Variants in NOVA1 observed in about 807,000 individuals in gnomAD.
The protein encoded by NOVA1 is NOVA alternative splicing regulator 1.
In NOVA1, 7 loss-of-function variants were observed where a neutral mutation model predicts 38.0. That is an observed-to-expected ratio of 0.18 (90% CI 0.10 to 0.35). NOVA1 has a LOEUF of 0.35. Ranked by LOEUF, NOVA1 falls within the 10% of genes least tolerant of loss-of-function variation. The pLI is 1.00. For synonymous variants in NOVA1, 270 were observed against 232.5 expected (o/e 1.16, Z -1.47); for missense variants, 460 against 616.0 (o/e 0.75, Z 2.68).
chr14:26,467,646 G>A (rs1005450936), intron 4 of NOVA1, among the ~76,000 whole-genome samples: 2 of 152,128 alleles, frequency 1.3e-5, no homozygotes, highest in Non-Finnish European at 2.9e-5. Context: ...AGGTAGAATT[G>A]CTGCAGGAAT....
At chr14:26,472,280 C>G (rs1355038415) in intron 4 of NOVA1, 40 bp downstream of exon 4, 2 of 1,243,918 alleles carry the variant, frequency 1.6e-6, no homozygotes, top group Non-Finnish European at 2.4e-6. Flanking sequence ...AGGCAATCAC[C>G]CGTGAAAAGT....
At chr14:26,549,872 A>G in intron 2 of NOVA1, 11 of 450,710 alleles carry the variant, frequency 2.4e-5, no homozygotes, top group Non-Finnish European at 4.2e-5. Context: ...CTGTACATAC[A>G]TACAGGGATG....
intron 1 of NOVA1, 123 bp from the exon 2 acceptor site, chr14:26,595,676 G>A: frequency 1.4e-6 from 1 of 739,584 alleles, no homozygotes; most frequent in Non-Finnish European, 2.1e-6. Flanking sequence ...GAAATATGAA[G>A]TTAAACATTT....
intron 2 of NOVA1, among the ~76,000 whole-genome samples, chr14:26,520,286 G>C (rs1050314279): frequency 6.6e-6 from 1 of 152,142 alleles, no homozygotes; most frequent in African/African-American, 2.4e-5. Context: ...CATATATGGA[G>C]GGCCAGCTAT....
chr14:26,543,582 A>C (rs1049090002), intron 2 of NOVA1, among the ~76,000 whole-genome samples: 8 of 152,038 alleles, frequency 5.3e-5, no homozygotes, highest in African/African-American at 7.2e-5. Flanking sequence ...TGGACATTGA[A>C]GACTGGGTAG....
intron 2 of NOVA1, among the ~76,000 whole-genome samples, chr14:26,534,509 A>G (rs952883342): frequency 6.6e-6 from 1 of 152,198 alleles, no homozygotes; most frequent in Non-Finnish European, 1.5e-5. Context: ...AAATAAAAAA[A>G]CATATAATCA....
intron 2 of NOVA1, among the ~76,000 whole-genome samples, chr14:26,537,894 G>T (rs1890216213): frequency 6.6e-6 from 1 of 152,136 alleles, no homozygotes; most frequent in African/African-American, 2.4e-5. Context: ...CTCCTCTATG[G>T]ATATGACATT....
At chr14:26,535,649 G>A (rs1890012659) in intron 2 of NOVA1, among the ~76,000 whole-genome samples, 5 of 152,064 alleles carry the variant, frequency 3.3e-5, no homozygotes, top group African/African-American at 1.2e-4. Context: ...AGAAACAGAT[G>A]ACTGGATAAA....
chr14:26,525,985 ACCTGGT>A (rs1889269292), intron 2 of NOVA1, among the ~76,000 whole-genome samples: 1 of 151,934 alleles, frequency 6.6e-6, no homozygotes, highest in Non-Finnish European at 1.5e-5. Context: ...AATTCTTTCC[ACCTGGT>A]AGTTTTAGCT....
At position 26,448,442 on chromosome 14, in the gene NOVA1, T is replaced by C. The variant is rs1444317256; in HGVS notation, c.1041A>G (p.Ala347=). 1 of 1,612,190 alleles carries C rather than the reference T, an allele frequency of 6.2e-7. No individual in the cohort carries two copies. Among genetic ancestry groups the C allele is most frequent in the South Asian group, 1.1e-5 (1 of 91,012 alleles). Residue 347 remains alanine, a synonymous_variant, in exon 5 of 5, where the codon GCA becomes GCG. Transcript: ENST00000539517. The surrounding 1 kb of genome is among the most constrained non-coding windows in gnomAD (Gnocchi z 5.3). The stretch of plus-strand genomic sequence containing the variant: ...CTGCTGGGTTGGCACTGGCAGCTGC[T>C]GCAGCCAAAGCCCCTGTTGCTGCTG... ...SQAAATGALA[A]AAASANPAAA... is the part of the protein sequence containing the mutation.
intron 1 of NOVA1, chr14:26,596,833 G>T: frequency 9.0e-7 from 1 of 1,116,374 alleles, no homozygotes; most frequent in Non-Finnish European, 1.1e-6. Flanking sequence ...AGGATGGAGA[G>T]AGGAAAAACT....
intron 2 of NOVA1, among the ~76,000 whole-genome samples, chr14:26,540,252 A>AC (rs1890380899): frequency 6.6e-6 from 1 of 152,186 alleles, no homozygotes; most frequent in Admixed American, 6.5e-5. Flanking sequence ...TGTCAGATCA[A>AC]CTGGGGCATT....
intron 2 of NOVA1, among the ~76,000 whole-genome samples, chr14:26,538,290 A>G (rs1479440617): frequency 6.6e-6 from 1 of 152,174 alleles, no homozygotes; most frequent in Non-Finnish European, 1.5e-5. Flanking sequence ...TAAAATAGCA[A>G]GATACAATTT....
chr14:26,454,642 T>C (rs1291044484), intron 4 of NOVA1, among the ~76,000 whole-genome samples: 2 of 152,226 alleles, frequency 1.3e-5, no homozygotes, highest in African/African-American at 4.8e-5. Context: ...GCTTCTATAA[T>C]TTGTAACTGA....
At chr14:26,583,099 T>C (rs1232913051) in intron 2 of NOVA1, among the ~76,000 whole-genome samples, 3 of 151,752 alleles carry the variant, frequency 2.0e-5, no homozygotes, top group African/African-American at 4.8e-5. Context: ...GAACAATTAG[T>C]TTAAAATACT....
At chr14:26,479,883 T>C in intron 3 of NOVA1, 94 bp downstream of exon 3, 1 of 1,369,832 alleles carries the variant, frequency 7.3e-7, no homozygotes, top group Non-Finnish European at 1.0e-6. Flanking sequence ...GTGCTTAAAA[T>C]AAAAGTTTTA....
intron 1 of NOVA1, 122 bp downstream of exon 1, chr14:26,597,179 G>C (rs1444174047): frequency 2.5e-6 from 3 of 1,180,350 alleles, no homozygotes; most frequent in African/African-American, 1.6e-5. Flanking sequence ...CGCCGGGTTC[G>C]GGCTGGAGGT....
intron 2 of NOVA1, among the ~76,000 whole-genome samples, chr14:26,562,913 G>C (rs1891913564): frequency 6.6e-6 from 1 of 152,048 alleles, no homozygotes; most frequent in African/African-American, 2.4e-5. Context: ...GGTTAAAATG[G>C]ACAGAAGCGG....
chr14:26,466,099 G>A (rs12101183), intron 4 of NOVA1, among the ~76,000 whole-genome samples: 44,162 of 151,970 alleles, frequency 0.29, 6,986 homozygotes, highest in African/African-American at 0.41. Flanking sequence ...TCTATGGTAA[G>A]AGAATTTCAT....
Sources: allele counts gnomAD v4.1 joint callset (sites outside exome capture counted in the v4.1 genomes callset), GRCh38; gene constraint gnomAD v4.1.1; non-coding constraint Gnocchi (gnomAD v3.1); transcripts MANE v1.5; gene names NCBI Gene and HGNC (gene_info 2026-07-23, HGNC 2026-07-21).